GPATCH8: variants seen among roughly 807,000 people sequenced by gnomAD.
GPATCH8 encodes G-patch domain containing 8, also known as G patch domain-containing protein 8.
GPATCH8 carries 18 observed loss-of-function variants against 118.3 expected under a neutral mutation model. That is an observed-to-expected ratio of 0.15 (90% confidence interval 0.11 to 0.23). GPATCH8 has a LOEUF of 0.23. Among genes scored for constraint, GPATCH8 ranks in the 10% least tolerant of loss-of-function variants. The pLI, the probability that GPATCH8 is intolerant of heterozygous loss-of-function variation, is 1.00. For missense variants in GPATCH8, 1,631 were observed against 1,873.8 expected (o/e 0.87, Z 2.39); for synonymous variants, 659 against 684.7 (o/e 0.96, Z 0.59).
At chr17:44,401,822 G>A (rs1331733313) in intron 7 of GPATCH8, among the ~76,000 whole-genome samples, 4 of 151,776 alleles carry the variant, frequency 2.6e-5, no homozygotes, top group South Asian at 2.1e-4. Flanking sequence ...TGGCCAACAC[G>A]GTGAAACCCT....
chr17:44,501,366 G>T (rs1418098030), intron 1 of GPATCH8, among the ~76,000 whole-genome samples: 1 of 151,576 alleles, frequency 6.6e-6, no homozygotes, highest in Non-Finnish European at 1.5e-5. Context: ...GCAGTGAGCC[G>T]AGATCGTGCC....
chr17:44,405,666 G>A (rs1273757112), intron 7 of GPATCH8, among the ~76,000 whole-genome samples: 3 of 151,646 alleles, frequency 2.0e-5, no homozygotes, highest in Non-Finnish European at 2.9e-5. Context: ...CACCATGCCC[G>A]GCTAATTTTT....
At chr17:44,406,496 T>TG (rs398030921) in intron 6 of GPATCH8, among the ~76,000 whole-genome samples, 8,746 of 21,080 alleles carry the variant, frequency 0.41, 2,029 homozygotes, top group Admixed American at 0.47. Flanking sequence ...ACAGCTTACA[T>TG]GGGGGGGGGG....
chr17:44,474,491 T>C (rs1475249007), intron 2 of GPATCH8: 1 of 344,820 alleles, frequency 2.9e-6, no homozygotes, highest in East Asian at 7.0e-5. Flanking sequence ...CCAAGAAAGG[T>C]GAAGCTATAA....
Position 44,451,984 on chromosome 17 carries a change from G to C in GPATCH8, c.193+12488C>G, listed in dbSNP as rs73307826. Among the ~76,000 whole-genome samples the C allele has an allele frequency of 2.5e-3, 384 of 152,108 alleles. 1 individual carries two copies. The highest frequency in any genetic ancestry group is 8.7e-3 in the African/African-American group (361 of 41,514). On this transcript the variant is annotated intron_variant, in intron 3 of 7. Transcript: ENST00000591680. ...TACCACTTATCTGCTGTAAGATCTT[G>C]GGCAGGCTGGGCGTGGTGGCTTAAG...
intron 6 of GPATCH8, among the ~76,000 whole-genome samples, chr17:44,414,105 G>A (rs865829451): frequency 2.0e-5 from 2 of 100,834 alleles, no homozygotes; most frequent in African/African-American, 3.4e-5. Context: ...ATATATGTGT[G>A]TATATATATA....
Position 44,399,888 on chromosome 17 carries a change from C to A in GPATCH8, c.2189G>T (p.Gly730Val). The A allele has an allele frequency of 6.2e-7, 1 of 1,613,970 alleles. No homozygotes were observed. Among genetic ancestry groups the A allele is most frequent in the South Asian group, 1.1e-5 (1 of 91,038 alleles). Residue 730 changes from glycine (G) to valine (V), a missense_variant, in exon 8 of 8, where the codon GGA becomes GTA. Coordinates refer to ENST00000591680, the MANE Select transcript of GPATCH8 (RefSeq NM_001002909.4). ...ACTCCCAGGGGGTTCTGGTTTGGGTCCTCGTTCAGAATCTGCTGGGGCTGA... is the reference window on the plus strand; with the variant it reads ...ACTCCCAGGGGGTTCTGGTTTGGGTACTCGTTCAGAATCTGCTGGGGCTGA... ...KSSAPADSER[G>V]PKPEPPGSGS... is the part of the protein sequence containing the mutation.
chr17:44,429,942 T>C (rs146056004), intron 5 of GPATCH8, among the ~76,000 whole-genome samples: 3,024 of 151,890 alleles, frequency 0.02, 106 homozygotes, highest in African/African-American at 0.069. Flanking sequence ...GGCATGAGAA[T>C]TGCTTGAACC....
chr17:44,448,577 GAAGAA>G (rs2050991762), intron 3 of GPATCH8, among the ~76,000 whole-genome samples: 1 of 39,232 alleles, frequency 2.5e-5, no homozygotes, highest in Admixed American at 3.8e-4. Flanking sequence ...GGAAGAGGAA[GAAGAA>G]GAAGAAGAAG....
At chr17:44,411,085 C>T (rs1461651397) in intron 6 of GPATCH8, among the ~76,000 whole-genome samples, 1 of 152,158 alleles carries the variant, frequency 6.6e-6, no homozygotes, top group Non-Finnish European at 1.5e-5. Flanking sequence ...AAAAGGTACA[C>T]CCCAACAGCC....
intron 1 of GPATCH8, among the ~76,000 whole-genome samples, chr17:44,502,086 GCCCCCAGATC>G (rs1970110122): frequency 6.6e-6 from 1 of 152,074 alleles, no homozygotes; most frequent in African/African-American, 2.4e-5. Flanking sequence ...CTTTTTAACA[GCCCCCAGATC>G]CCTTACTGCT....
chr17:44,422,409 C>T (rs1453452888), intron 6 of GPATCH8, among the ~76,000 whole-genome samples: 3 of 151,930 alleles, frequency 2.0e-5, no homozygotes, highest in East Asian at 3.9e-4. Flanking sequence ...AGGGTGGTCT[C>T]GAACTCCTGG....
At chr17:44,458,095 A>C (rs867553436) in intron 3 of GPATCH8, among the ~76,000 whole-genome samples, 3 of 151,052 alleles carry the variant, frequency 2.0e-5, no homozygotes, top group East Asian at 2.0e-4. Flanking sequence ...TTTCAAAAAA[A>C]AAAAAAAAAA....
At chr17:44,482,992 T>C (rs1458899713) in intron 1 of GPATCH8, among the ~76,000 whole-genome samples, 5 of 146,520 alleles carry the variant, frequency 3.4e-5, no homozygotes, top group African/African-American at 1.3e-4. Flanking sequence ...CCGTCTCTAC[T>C]AAAAATACAA....
chr17:44,470,067 A>G (rs181463215), intron 2 of GPATCH8, among the ~76,000 whole-genome samples: 132 of 152,352 alleles, frequency 8.7e-4, no homozygotes, highest in African/African-American at 3.0e-3. Flanking sequence ...TAAAGAAAGA[A>G]TTTTAATCAG....
At chr17:44,461,757 G>A (rs549534229) in intron 3 of GPATCH8, among the ~76,000 whole-genome samples, 17 of 151,986 alleles carry the variant, frequency 1.1e-4, no homozygotes, top group Non-Finnish European at 8.8e-5. Flanking sequence ...GTAGTGGTGC[G>A]ATCAAGGGTC....
chr17:44,434,478 C>G (rs959651502), intron 5 of GPATCH8, among the ~76,000 whole-genome samples: 9 of 152,192 alleles, frequency 5.9e-5, no homozygotes, highest in African/African-American at 2.2e-4. Context: ...CCGTGGCAGG[C>G]AGATCACCTG....
chr17:44,411,938 T>C (rs1044188236), intron 6 of GPATCH8, among the ~76,000 whole-genome samples: 2 of 151,864 alleles, frequency 1.3e-5, no homozygotes, highest in African/African-American at 4.8e-5. Context: ...AAAAAAAAAA[T>C]TGAGATGGAG....
In GPATCH8 at chr17:44,399,548, T is replaced by C. The variant is rs369242201; in HGVS notation, c.2529A>G (p.Glu843=). Residue 843 remains glutamate (E), a synonymous_variant, in exon 8 of 8, where the codon GAA becomes GAG. Transcript: ENST00000591680. The part of the protein sequence containing the change: ...PSQYSEEEEE[E]DSGSEHSRSR... ...TGCGGGAATGCTCACTGCCTGAATC[T>C]TCCTCTTCTTCTTCCTCACTGTACT... 4.3e-6 allele frequency: 7 copies of C among 1,614,036 alleles called. No individual in the cohort carries two copies. In the African/African-American group the frequency reaches 8.0e-5, roughly 18 times the overall value.
Sources: allele counts gnomAD v4.1 joint callset (sites outside exome capture counted in the v4.1 genomes callset), GRCh38; gene constraint gnomAD v4.1.1; transcripts MANE v1.5; gene names NCBI Gene and HGNC (gene_info 2026-07-23, HGNC 2026-07-21).